The following CREB5 variants were observed in gnomAD, a reference collection of about 807,000 sequenced individuals.
The protein encoded by CREB5 is cyclic AMP-responsive element-binding protein 5.
CREB5 carries 19 observed loss-of-function variants against 57.1 expected under a neutral mutation model. The observed-to-expected ratio is 0.33, with a 90% CI of 0.23 to 0.49. The LOEUF is 0.49. Ranked by LOEUF, CREB5 falls within the 20% of genes least tolerant of loss-of-function variation. CREB5 has a pLI of 0.99. For synonymous variants in CREB5, 238 were observed against 238.3 expected, an observed-to-expected ratio of 1.00 and a Z score of 0.01; for missense variants, 579 against 671.6, an observed-to-expected ratio of 0.86 and a Z score of 1.52.
chr7:28,361,477 C>T lies in CREB5; in HGVS notation c.-25+62036C>T, dbSNP rs79766661. Among the ~76,000 whole-genome samples, 277 of 152,356 alleles carry T rather than the reference C, an allele frequency of 1.8e-3. 3 individuals carry two copies. Among genetic ancestry groups the T allele is most frequent in the African/African-American group, 6.4e-3 (267 of 41,580 alleles). ...AAAAGAGGCCACATCCTTTTCCCTG[C>T]CCCAGCCCAGCTAGGTGGTGGGCAT... On this transcript the variant is annotated intron_variant, in intron 1 of 9. Coordinates refer to the CREB5 transcript ENST00000396299.
At chr7:28,529,986 G>A (rs1406885803) in intron 4 of CREB5, among the ~76,000 whole-genome samples, 3 of 152,146 alleles carry the variant, frequency 2.0e-5, no homozygotes, top group Admixed American at 1.3e-4. Context: ...AGCTCCATGA[G>A]GCAGGTTTTA....
intron 1 of CREB5, among the ~76,000 whole-genome samples, chr7:28,322,199 C>A (rs908557338): frequency 2.0e-5 from 3 of 152,082 alleles, no homozygotes; most frequent in South Asian, 4.1e-4. Flanking sequence ...CTGTGAGGAA[C>A]AATTGGCTCC....
intron 4 of CREB5, among the ~76,000 whole-genome samples, chr7:28,546,825 A>G (rs1794441384): frequency 6.6e-6 from 1 of 152,230 alleles, no homozygotes; most frequent in Admixed American, 6.5e-5. Flanking sequence ...ATCTTGAATA[A>G]ATTGTCCAAG....
intron 5 of CREB5, among the ~76,000 whole-genome samples, chr7:28,648,542 C>T (rs919082619): frequency 1.3e-5 from 2 of 151,938 alleles, no homozygotes; most frequent in African/African-American, 4.8e-5. Context: ...TCAAGACCAG[C>T]CTGGGAAACA....
At chr7:28,394,603 C>G (rs1175601171) in intron 1 of CREB5, among the ~76,000 whole-genome samples, 1 of 152,158 alleles carries the variant, frequency 6.6e-6, no homozygotes, top group Non-Finnish European at 1.5e-5. Flanking sequence ...GCTAGGTGTT[C>G]TTAAGAGCCC....
intron 1 of CREB5, among the ~76,000 whole-genome samples, chr7:28,375,385 G>A (rs890678016): frequency 6.6e-6 from 1 of 152,106 alleles, no homozygotes; most frequent in Admixed American, 6.5e-5. Flanking sequence ...GGGGTTGGGG[G>A]CAGGAATGGT....
intron 7 of CREB5, among the ~76,000 whole-genome samples, chr7:28,747,147 G>A (rs1804728484): frequency 1.3e-5 from 2 of 150,910 alleles, no homozygotes; most frequent in African/African-American, 4.9e-5. Context: ...TAAATAATAT[G>A]AGGGTTGCCA....
chr7:28,432,197 T>A (rs1197004732), intron 1 of CREB5, among the ~76,000 whole-genome samples: 1 of 152,106 alleles, frequency 6.6e-6, no homozygotes, highest in East Asian at 1.9e-4. Context: ...GCCCAGCCAA[T>A]GGCAAGGACA....
chr7:28,512,035 T>C (rs1334548812), intron 4 of CREB5, among the ~76,000 whole-genome samples: 1 of 152,088 alleles, frequency 6.6e-6, no homozygotes, highest in Non-Finnish European at 1.5e-5. Flanking sequence ...GATTGGGAAG[T>C]AATAGAAGCA....
chr7:28,411,305 A>G (rs991614702), upstream of CREB5, among the ~76,000 whole-genome samples: 1 of 152,204 alleles, frequency 6.6e-6, no homozygotes, highest in African/African-American at 2.4e-5. Context: ...AATCAGGTTT[A>G]GCTGAAAGGA....
intron 5 of CREB5, among the ~76,000 whole-genome samples, chr7:28,608,576 C>G (rs1396990796): frequency 6.6e-6 from 1 of 152,154 alleles, no homozygotes; most frequent in Non-Finnish European, 1.5e-5. Flanking sequence ...TTCCACCCTC[C>G]TCCCAATCTC....
chr7:28,813,774 T>C (rs1295231760), intron 9 of CREB5, among the ~76,000 whole-genome samples: 2 of 152,190 alleles, frequency 1.3e-5, no homozygotes, highest in Non-Finnish European at 2.9e-5. Context: ...GGCGTGCTGC[T>C]TCATCCCAAG....
chr7:28,462,092 C>T (rs1269129376), intron 1 of CREB5, among the ~76,000 whole-genome samples: 5 of 152,078 alleles, frequency 3.3e-5, no homozygotes, highest in Admixed American at 2.6e-4. Flanking sequence ...CTCATAGCCC[C>T]CGGTAACCAT....
At chr7:28,580,689 C>A (rs766884972) in intron 5 of CREB5, among the ~76,000 whole-genome samples, 56 of 151,714 alleles carry the variant, frequency 3.7e-4, no homozygotes, top group Non-Finnish European at 6.9e-4. Context: ...GGGGCCACTG[C>A]ATTCCATAAT....
chr7:28,665,929 C>T (rs1034570565), intron 5 of CREB5, among the ~76,000 whole-genome samples: 5 of 152,190 alleles, frequency 3.3e-5, no homozygotes, highest in Admixed American at 2.6e-4. Flanking sequence ...TGCCGACACC[C>T]TTAAAAATAT....
intron 5 of CREB5, among the ~76,000 whole-genome samples, chr7:28,686,987 T>A (rs1265006508): frequency 1.5e-5 from 2 of 136,628 alleles, no homozygotes; most frequent in Non-Finnish European, 3.1e-5. Context: ...GTTGGGGGGT[T>A]GGGGGGGCGA....
intron 1 of CREB5, among the ~76,000 whole-genome samples, chr7:28,421,497 C>A (rs1212909742): frequency 6.6e-6 from 1 of 151,830 alleles, no homozygotes; most frequent in Admixed American, 6.6e-5. Context: ...ATGGGAAGGT[C>A]AAAAATCTAA....
intron 5 of CREB5, among the ~76,000 whole-genome samples, chr7:28,692,066 G>T (rs1801298536): frequency 6.6e-6 from 1 of 150,960 alleles, no homozygotes; most frequent in Non-Finnish European, 1.5e-5. Context: ...TGCGCACGTA[G>T]TCCCAGCTAC....
chr7:28,395,295 A>G lies in CREB5; in HGVS notation c.-25+95854A>G, dbSNP rs184896868. On this transcript the variant is annotated intron_variant, in intron 1 of 9. Coordinates refer to the CREB5 transcript ENST00000396299. The stretch of plus-strand genomic sequence containing the variant: ...GATGTAGCCATATCTATTAGTGGTC[A>G]AGGACAGTTTCTTTCCACACTTGTT... Among the ~76,000 whole-genome samples the G allele has an allele frequency of 5.1e-4, 77 of 152,344 alleles. 1 individual carries two copies. The highest frequency in any genetic ancestry group is 1.8e-3 in the African/African-American group (76 of 41,592).
Sources: allele counts gnomAD v4.1 joint callset (sites outside exome capture counted in the v4.1 genomes callset), GRCh38; gene constraint gnomAD v4.1.1; transcripts MANE v1.5; gene names NCBI Gene and HGNC (gene_info 2026-07-23, HGNC 2026-07-21).